EHMT1: variants seen among roughly 807,000 people sequenced by gnomAD.
The protein encoded by EHMT1 is histone-lysine N-methyltransferase EHMT1.
EHMT1 carries 15 observed loss-of-function variants against 147.2 expected under a neutral mutation model. The ratio of observed to expected loss-of-function variants is 0.10; its 90% CI spans 0.07 to 0.16. The LOEUF (loss-of-function observed/expected upper bound fraction) is 0.16. EHMT1 is among the 10% of genes least tolerant of loss of function. The pLI, the probability that EHMT1 is intolerant of heterozygous loss-of-function variation, is 1.00. For synonymous variants in EHMT1, 795 were observed against 709.6 expected, an observed-to-expected ratio of 1.12 and a Z score of -1.91; for missense variants, 1,587 against 1,772.4, an observed-to-expected ratio of 0.90 and a Z score of 1.88.
chr9:137,772,854 C>T (rs950951261), intron 10 of EHMT1, among the ~76,000 whole-genome samples: 1 of 152,146 alleles, frequency 6.6e-6, no homozygotes, highest in African/African-American at 2.4e-5. Flanking sequence ...TTAAAGGATT[C>T]CTTGTTTTAT....
rs1268047116 is a variant in EHMT1, at chr9:137,828,608, C to A, written c.3541-5741C>A. Among the ~76,000 whole-genome samples the A allele has an allele frequency of 6.6e-6, 1 of 152,148 alleles. No homozygotes were observed. The highest frequency in any genetic ancestry group is 2.4e-5 in the African/African-American group (1 of 41,428). On this transcript the variant is annotated intron_variant, in intron 25 of 26. Coordinates refer to ENST00000460843, the MANE Select transcript of EHMT1 (RefSeq NM_024757.5). This position sits in a 1 kb window ranked among gnomAD's most constrained non-coding sequence, Gnocchi z 5.3. Reference sequence around the variant, plus strand: ...CGGGGTGGGGGAGGTACCACGTCTCCCGGGCAGCCACAGATCCCACACTCA... The same window carrying A: ...CGGGGTGGGGGAGGTACCACGTCTCACGGGCAGCCACAGATCCCACACTCA...
rs182805304 is a variant in EHMT1 at position 137,634,809 on chromosome 9, T to C, written c.21+15760T>C. Among the ~76,000 whole-genome samples the C allele has an allele frequency of 5.0e-3, 748 of 149,868 alleles. 8 individuals are homozygous for C. Among genetic ancestry groups the C allele is most frequent in the African/African-American group, 0.017 (704 of 40,816 alleles). ...CCTCTGCCTTCCAGGTTCACGCCAT[T>C]CTCCTGCCTCAGCTTCCCGAGTAGC... On this transcript the variant is annotated intron_variant, in intron 1 of 26. Transcript: ENST00000460843.
chr9:137,814,132 G>A, intron 21 of EHMT1: 1 of 422,002 alleles, frequency 2.4e-6, no homozygotes, highest in Non-Finnish European at 4.3e-6. Flanking sequence ...CGAGCATCTG[G>A]CCACAAATGC....
At chr9:137,717,681 C>T (rs184256376) in intron 3 of EHMT1, among the ~76,000 whole-genome samples, 31 of 151,420 alleles carry the variant, frequency 2.0e-4, no homozygotes, top group East Asian at 7.8e-4. Flanking sequence ...TGCCAGGTGA[C>T]GCCTCGCTTC....
In EHMT1 at chr9:137,814,314, T is replaced by C; in HGVS notation, c.3181-117T>C. The C allele has an allele frequency of 6.2e-6, 7 of 1,128,338 alleles. No individual in the cohort carries two copies. In the South Asian group the frequency reaches 8.6e-5, roughly 14 times the overall value. 69.9% of individuals were successfully genotyped at this position (1,128,338 alleles called of 1,614,324 possible). Reference sequence around the variant, plus strand: ...AGAGGCCACACACTCACGTGGTGCCTTTGAGAAGCACTTACCAGAATCAGG... The same window carrying C: ...AGAGGCCACACACTCACGTGGTGCCCTTGAGAAGCACTTACCAGAATCAGG... On this transcript the variant is annotated intron_variant, in intron 21 of 26. Coordinates refer to ENST00000460843, the MANE Select transcript of EHMT1 (RefSeq NM_024757.5).
At chr9:137,658,767 CATACCTGGCT>C (rs1251517837) in intron 1 of EHMT1, among the ~76,000 whole-genome samples, 1 of 152,014 alleles carries the variant, frequency 6.6e-6, no homozygotes, top group Non-Finnish European at 1.5e-5. Context: ...TGCATACCAC[CATACCTGGCT>C]ATTTTTAAAA....
intron 2 of EHMT1, among the ~76,000 whole-genome samples, chr9:137,712,592 G>T (rs773404300): frequency 6.6e-6 from 1 of 152,198 alleles, no homozygotes; most frequent in African/African-American, 2.4e-5. Context: ...CTTCTTTGGA[G>T]AAATATCTCT....
At chr9:137,723,683 A>G (rs1479017655) in intron 3 of EHMT1, among the ~76,000 whole-genome samples, 1 of 152,212 alleles carries the variant, frequency 6.6e-6, no homozygotes, top group Non-Finnish European at 1.5e-5. Flanking sequence ...ATTTCCTGCC[A>G]CCCCAAACCC....
At chr9:137,798,090 C>T (rs918910803) in intron 16 of EHMT1, among the ~76,000 whole-genome samples, 12 of 152,182 alleles carry the variant, frequency 7.9e-5, no homozygotes, top group Non-Finnish European at 1.8e-4. Flanking sequence ...GAGGGTGTTC[C>T]CAATCTGGGC....
At chr9:137,632,135 G>C (rs1016713199) in intron 1 of EHMT1, among the ~76,000 whole-genome samples, 8 of 152,214 alleles carry the variant, frequency 5.3e-5, no homozygotes, top group African/African-American at 1.4e-4. Context: ...GAAATCACCT[G>C]ATGACGCATA....
At chr9:137,753,211 G>A (rs1480526754) in intron 7 of EHMT1, among the ~76,000 whole-genome samples, 1 of 152,118 alleles carries the variant, frequency 6.6e-6, no homozygotes, top group African/African-American at 2.4e-5. Context: ...TCTGAAACAG[G>A]AGAAGTGGCT....
At chr9:137,634,963 GC>G (rs1307969399) in intron 1 of EHMT1, among the ~76,000 whole-genome samples, 2 of 144,418 alleles carry the variant, frequency 1.4e-5, no homozygotes, top group Non-Finnish European at 3.0e-5. Flanking sequence ...CTCGTGATCC[GC>G]CGGCCTCGGC....
In EHMT1 at chr9:137,713,436, A is replaced by AT. The variant is rs533416268; in HGVS notation, c.85+2414dup. Among the ~76,000 whole-genome samples, 1,209 of 150,810 alleles carry AT rather than the reference A, an allele frequency of 8.0e-3. 24 individuals carry two copies. Among genetic ancestry groups the AT allele is most frequent in the African/African-American group, 0.028 (1,154 of 41,168 alleles). On this transcript the variant is annotated intron_variant, in intron 2 of 26. Transcript: ENST00000460843. ...AGGCACCTGCCACCATGCCCGGCTAATTTTTTTTGTATTTTTAGTAGAGAC... is the reference window on the plus strand; with the variant it reads ...AGGCACCTGCCACCATGCCCGGCTAATTTTTTTTTGTATTTTTAGTAGAGAC...
At chr9:137,673,531 C>T (rs1476369596) in intron 1 of EHMT1, among the ~76,000 whole-genome samples, 2 of 152,110 alleles carry the variant, frequency 1.3e-5, no homozygotes, top group African/African-American at 4.8e-5. Context: ...TGTGAAGCTC[C>T]GGCCTCGAGG....
chr9:137,780,874 CGGGATGTGTGGTGATGACGCT>C (rs1564747641), intron 14 of EHMT1, among the ~76,000 whole-genome samples: 15 of 45,878 alleles, frequency 3.3e-4, no homozygotes, highest in African/African-American at 9.8e-4. Context: ...GTGATGACGC[CGGGATGTGTGGTGATGACGCT>C]GGGATGTGTG....
intron 1 of EHMT1, among the ~76,000 whole-genome samples, chr9:137,681,744 C>T (rs1346863343): frequency 6.6e-6 from 1 of 152,144 alleles, no homozygotes; most frequent in Non-Finnish European, 1.5e-5. Flanking sequence ...ATCGCACACA[C>T]TCATTCTGCT....
At position 137,813,640 on chromosome 9, in the gene EHMT1, G is replaced by A; in HGVS notation, c.3180+110G>A. Reference sequence around the variant, plus strand: ...CCACTCAGAGCAGGAGGGCTTATGGGGGGCTTCCCAGGAAGACCTCATTCT... The same window carrying A: ...CCACTCAGAGCAGGAGGGCTTATGGAGGGCTTCCCAGGAAGACCTCATTCT... On this transcript the variant is annotated intron_variant, in intron 21 of 26. Transcript: ENST00000460843. This position sits in a 1 kb window ranked among gnomAD's most constrained non-coding sequence, Gnocchi z 4.9. 1 of 1,484,046 alleles carries A rather than the reference G, an allele frequency of 6.7e-7. No homozygotes were observed. The highest frequency in any genetic ancestry group is 9.2e-7 in the Non-Finnish European group (1 of 1,089,328). The allele number at this position is 1,484,046 out of a possible 1,614,324, so 91.9% of individuals were successfully genotyped here.
intron 18 of EHMT1, among the ~76,000 whole-genome samples, chr9:137,804,832 C>CT (rs1208240920): frequency 1.3e-5 from 2 of 152,076 alleles, no homozygotes; most frequent in African/African-American, 4.8e-5. Context: ...GAAAACCATT[C>CT]TTTCTACATA....
intron 1 of EHMT1, among the ~76,000 whole-genome samples, chr9:137,653,951 TC>T (rs1321427813): frequency 6.6e-6 from 1 of 152,212 alleles, no homozygotes; most frequent in Non-Finnish European, 1.5e-5. Context: ...GAGAAACACT[TC>T]CCTGTGCTTT....
Sources: gnomAD v4.1 joint callset for allele counts (sites outside exome capture counted in the v4.1 genomes callset) on GRCh38, gnomAD v4.1.1 for gene constraint, Gnocchi (gnomAD v3.1) non-coding constraint, MANE v1.5 for transcripts, NCBI Gene and HGNC (gene_info 2026-07-23, HGNC 2026-07-21) for gene names.